The following SCAPER variants were observed in gnomAD, a reference collection of about 807,000 sequenced individuals.
SCAPER encodes the protein S-phase cyclin A associated protein in the ER, also known as S phase cyclin A-associated protein in the endoplasmic reticulum.
In SCAPER, 98 loss-of-function variants were observed where a neutral mutation model predicts 182.2. The ratio of observed to expected loss-of-function variants is 0.54; its 90% CI spans 0.46 to 0.64. SCAPER has a LOEUF of 0.64. Among genes scored for constraint, SCAPER ranks in the 30% least tolerant of loss-of-function variants. The pLI is 0.00. For missense variants in SCAPER, 1,432 were observed against 1,690.0 expected (o/e 0.85, Z 2.68); for synonymous variants, 605 against 564.6 (o/e 1.07, Z -1.01).
intron 9 of SCAPER, among the ~76,000 whole-genome samples, chr15:76,772,542 G>C (rs187456526): frequency 9.2e-5 from 14 of 152,056 alleles, no homozygotes; most frequent in Admixed American, 7.8e-4. Context: ...CGATCTGAAA[G>C]AGAAAAGCAT....
At chr15:76,815,046 T>C (rs992726648) in intron 5 of SCAPER, among the ~76,000 whole-genome samples, 1 of 49,106 alleles carries the variant, frequency 2.0e-5, no homozygotes, top group African/African-American at 4.3e-5. Context: ...GAAATGCAAA[T>C]TAAAACAAAA....
intron 27 of SCAPER, among the ~76,000 whole-genome samples, chr15:76,390,657 A>G (rs1339194348): frequency 6.6e-6 from 1 of 152,100 alleles, no homozygotes; most frequent in African/African-American, 2.4e-5. Flanking sequence ...CTCAGATGGG[A>G]CACTTTTGAC....
At chr15:76,391,929 T>C (rs2142025720) in intron 27 of SCAPER, among the ~76,000 whole-genome samples, 1 of 152,274 alleles carries the variant, frequency 6.6e-6, no homozygotes. Flanking sequence ...TGGAATCAAA[T>C]AGGACTGGAT....
intron 24 of SCAPER, among the ~76,000 whole-genome samples, chr15:76,502,693 C>T (rs571548164): frequency 6.6e-6 from 1 of 152,208 alleles, no homozygotes; most frequent in Admixed American, 6.5e-5. Flanking sequence ...GCACGTTGTG[C>T]ACATGTACCC....
chr15:76,840,763 G>C lies in SCAPER; in HGVS notation c.393+971C>G, dbSNP rs570411120. 3.6e-4 allele frequency among the ~76,000 whole-genome samples: 55 copies of C among 152,226 alleles called. No individual in the cohort carries two copies. In the South Asian group the frequency reaches 4.2e-3, roughly 11 times the overall value. Reference sequence around the variant, plus strand: ...GTTTTCCTCAAAATAGTTTTATTCAGTAAAAAGTAATATGGTATAAAGTCT... The same window carrying C: ...GTTTTCCTCAAAATAGTTTTATTCACTAAAAAGTAATATGGTATAAAGTCT... On this transcript the variant is annotated intron_variant, in intron 5 of 31. Coordinates refer to ENST00000563290, the MANE Select transcript of SCAPER (RefSeq NM_020843.4).
In SCAPER at chr15:76,765,332, C is replaced by G; in HGVS notation, c.1613+5G>C. ...CCATTTCAAATTAATTTTCAAATGC[C>G]AGACCTTTTACGAGAGGGTGAAGAA... On this transcript the variant is annotated splice_donor_5th_base_variant and intron_variant, in intron 13 of 31. Coordinates refer to ENST00000563290, the MANE Select transcript of SCAPER (RefSeq NM_020843.4). 1 of 1,603,464 alleles carries G rather than the reference C, an allele frequency of 6.2e-7. No homozygotes were observed. Among genetic ancestry groups the G allele is most frequent in the African/African-American group, 1.3e-5 (1 of 74,606 alleles).
chr15:76,687,304 G>A (rs1002098868), intron 20 of SCAPER, among the ~76,000 whole-genome samples: 2 of 151,964 alleles, frequency 1.3e-5, no homozygotes, highest in Non-Finnish European at 2.9e-5. Flanking sequence ...CTCTTAAAAT[G>A]TTACAATATA....
intron 24 of SCAPER, among the ~76,000 whole-genome samples, chr15:76,479,571 T>A (rs554472117): frequency 3.3e-5 from 5 of 152,176 alleles, no homozygotes; most frequent in Non-Finnish European, 7.4e-5. Context: ...AGGAAAAGCA[T>A]CATAAAATTG....
At chr15:76,466,419 C>CTCTTCTTTTTTTTT (rs754649564) in intron 25 of SCAPER, among the ~76,000 whole-genome samples, 1 of 37,392 alleles carries the variant, frequency 2.7e-5, no homozygotes, top group African/African-American at 7.8e-5. Context: ...GTTGGTTCTT[C>CTCTTCTTTTTTTTT]TTTTTTTTTT....
chr15:76,443,065 A>T (rs1369459223), intron 25 of SCAPER, among the ~76,000 whole-genome samples: 1 of 152,206 alleles, frequency 6.6e-6, no homozygotes, highest in Non-Finnish European at 1.5e-5. Flanking sequence ...ATCACCTTCT[A>T]AAAATAATGA....
At chr15:76,781,688 C>A (rs1256790132) in intron 8 of SCAPER, among the ~76,000 whole-genome samples, 1 of 152,192 alleles carries the variant, frequency 6.6e-6, no homozygotes, top group Non-Finnish European at 1.5e-5. Context: ...AACAGTGGAT[C>A]TCTCGACAGA....
intron 22 of SCAPER, among the ~76,000 whole-genome samples, chr15:76,597,860 C>G (rs2049623765): frequency 8.3e-6 from 1 of 120,484 alleles, no homozygotes; most frequent in African/African-American, 2.5e-5. Flanking sequence ...AGAAGAAAAC[C>G]TAGGCAATAC....
intron 8 of SCAPER, among the ~76,000 whole-genome samples, chr15:76,784,003 C>T (rs965803878): frequency 4.6e-5 from 7 of 152,208 alleles, no homozygotes; most frequent in Non-Finnish European, 7.3e-5. Context: ...CTCACCACTC[C>T]TCTTCAACAC....
At position 76,376,125 on chromosome 15, in the gene SCAPER, G is replaced by C. The variant is rs529438073; in HGVS notation, c.3855+37C>G. 2.5e-6 allele frequency: 4 copies of C among 1,609,442 alleles called. No individual in the cohort carries two copies. In the African/African-American group the frequency reaches 5.3e-5, roughly 21 times the overall value. On this transcript the variant is annotated intron_variant, in intron 29 of 31. Coordinates refer to ENST00000563290, the MANE Select transcript of SCAPER (RefSeq NM_020843.4). ...TCCAATACCTCACACTCTCAGCACT[G>C]GGGGAGCAGTCTAAGGAACTTTCCA...
At chr15:76,507,093 CA>C (rs2041649769) in intron 23 of SCAPER, among the ~76,000 whole-genome samples, 1 of 152,092 alleles carries the variant, frequency 6.6e-6, no homozygotes, top group South Asian at 2.1e-4. Flanking sequence ...GTGGAGGTCC[CA>C]ACCCCTAGTA....
chr15:76,824,536 A>G (rs978333604), intron 5 of SCAPER, among the ~76,000 whole-genome samples: 7 of 152,222 alleles, frequency 4.6e-5, no homozygotes, highest in African/African-American at 1.7e-4. Context: ...ATGAAAAAAA[A>G]TGAGCTTTAC....
At chr15:76,516,120 A>G (rs1220216880) in intron 23 of SCAPER, among the ~76,000 whole-genome samples, 1 of 151,890 alleles carries the variant, frequency 6.6e-6, no homozygotes, top group Non-Finnish European at 1.5e-5. Context: ...TCATCTTGGC[A>G]TCAGTTTTTT....
chr15:76,694,787 T>A (rs898183992), intron 20 of SCAPER, among the ~76,000 whole-genome samples: 2 of 152,138 alleles, frequency 1.3e-5, no homozygotes, highest in African/African-American at 2.4e-5. Context: ...TCATAAGATA[T>A]TTTAACAACA....
At chr15:76,414,441 T>TA (rs2045514459) in intron 26 of SCAPER, among the ~76,000 whole-genome samples, 2 of 151,268 alleles carry the variant, frequency 1.3e-5, no homozygotes, top group African/African-American at 4.9e-5. Flanking sequence ...CAAATATAAA[T>TA]AAAAAATCTT....
Sources: allele counts gnomAD v4.1 joint callset (sites outside exome capture counted in the v4.1 genomes callset), GRCh38; gene constraint gnomAD v4.1.1; transcripts MANE v1.5; gene names NCBI Gene and HGNC (gene_info 2026-07-23, HGNC 2026-07-21).